Variants in CEP70 observed in about 807,000 individuals in gnomAD.
The protein encoded by CEP70 is centrosomal protein 70, also known as centrosomal protein of 70 kDa.
In CEP70, 70 loss-of-function variants were observed where a neutral mutation model predicts 90.9. That is an observed-to-expected ratio of 0.77 (90% CI 0.64 to 0.94). The LOEUF (loss-of-function observed/expected upper bound fraction) is 0.94. CEP70 is among the 40% of genes least tolerant of loss of function. The pLI, the probability that CEP70 is intolerant of heterozygous loss-of-function variation, is 0.00. For missense variants in CEP70, 648 were observed against 669.0 expected (o/e 0.97, Z 0.35); for synonymous variants, 220 against 228.3 (o/e 0.96, Z 0.33).
chr3:138,555,246 C>G (rs1163670076), intron 6 of CEP70, among the ~76,000 whole-genome samples: 1 of 39,684 alleles, frequency 2.5e-5, no homozygotes, highest in Non-Finnish European at 4.6e-5. Flanking sequence ...GAGACTCCAT[C>G]TCAAAAAAAA....
intron 6 of CEP70, among the ~76,000 whole-genome samples, chr3:138,548,932 C>A (rs1434098394): frequency 6.6e-6 from 1 of 152,144 alleles, no homozygotes; most frequent in Non-Finnish European, 1.5e-5. Flanking sequence ...TGAATACATA[C>A]CCTCACTGGG....
At chr3:138,540,849 T>C (rs370133118) in intron 6 of CEP70, among the ~76,000 whole-genome samples, 7 of 152,138 alleles carry the variant, frequency 4.6e-5, no homozygotes, top group East Asian at 3.8e-4. Context: ...ACTGAAATAC[T>C]CATCAATGGT....
chr3:138,571,208 A>T (rs1393032645), intron 4 of CEP70, 51 bp from the exon 5 acceptor site: 48 of 1,555,966 alleles, frequency 3.1e-5, no homozygotes, highest in Non-Finnish European at 3.9e-5. Context: ...AGGCAAAAAA[A>T]ATTTTTTAAG....
chr3:138,512,804 A>C (rs1358718365), intron 11 of CEP70, among the ~76,000 whole-genome samples: 1 of 152,348 alleles, frequency 6.6e-6, no homozygotes, highest in African/African-American at 2.4e-5. Context: ...ACAGTGGAAT[A>C]AGATCCATGC....
At chr3:138,570,994 C>G in intron 5 of CEP70, 40 bp downstream of exon 5, 1 of 1,486,470 alleles carries the variant, frequency 6.7e-7, no homozygotes, top group Non-Finnish European at 9.0e-7. Context: ...TTTTAGAACG[C>G]ATACAAACAA....
Position 138,532,501 on chromosome 3 carries a change from G to C in CEP70, c.692+13C>G, listed in dbSNP as rs192890651. ...TAAAACCTTTAAAAACTGTAATACA[G>C]GATTACTCGTACCTTTGTGTATGAA... On this transcript the variant is annotated intron_variant, in intron 8 of 17. Coordinates refer to ENST00000264982, the MANE Select transcript of CEP70 (RefSeq NM_024491.4). 1.3e-4 allele frequency: 195 copies of C among 1,493,142 alleles called. No individual in the cohort carries two copies. In the African/African-American group the frequency reaches 2.7e-3, roughly 21 times the overall value. The allele number at this position is 1,493,142 out of a possible 1,614,324, so 92.5% of individuals were successfully genotyped here. A position where few individuals can be genotyped will look rare whatever the true frequency, so the allele number is the denominator to read the frequency against.
intron 2 of CEP70, among the ~76,000 whole-genome samples, chr3:138,588,338 G>C (rs950187735): frequency 1.3e-5 from 2 of 152,084 alleles, no homozygotes; most frequent in South Asian, 2.1e-4. Flanking sequence ...AATCAGAAAA[G>C]GTTCATATCC....
At chr3:138,562,308 T>C (rs903129975) in intron 6 of CEP70, among the ~76,000 whole-genome samples, 3 of 152,010 alleles carry the variant, frequency 2.0e-5, no homozygotes, top group Non-Finnish European at 4.4e-5. Flanking sequence ...AGAACTTCCC[T>C]AACCTAGCAA....
At chr3:138,557,883 A>G (rs755614820) in intron 6 of CEP70, among the ~76,000 whole-genome samples, 6 of 152,232 alleles carry the variant, frequency 3.9e-5, no homozygotes, top group Non-Finnish European at 1.5e-5. Flanking sequence ...TCAGACACAG[A>G]CAATTTTAAA....
intron 2 of CEP70, among the ~76,000 whole-genome samples, chr3:138,586,341 A>G (rs2042104775): frequency 6.6e-6 from 1 of 152,196 alleles, no homozygotes; most frequent in African/African-American, 2.4e-5. Context: ...TATTTTTGGT[A>G]GGAAATCAGC....
chr3:138,559,994 T>C (rs1035727066), intron 6 of CEP70, among the ~76,000 whole-genome samples: 2 of 152,084 alleles, frequency 1.3e-5, no homozygotes, highest in South Asian at 4.1e-4. Context: ...CATACATTGG[T>C]CAGAATGTGA....
At chr3:138,579,755 G>C (rs1486864178) in intron 2 of CEP70, among the ~76,000 whole-genome samples, 1 of 151,946 alleles carries the variant, frequency 6.6e-6, no homozygotes, top group Non-Finnish European at 1.5e-5. Flanking sequence ...GTGAGACTCA[G>C]ACATGCTGGC....
intron 11 of CEP70, among the ~76,000 whole-genome samples, chr3:138,521,420 G>GCGA (rs2036617451): frequency 6.7e-6 from 1 of 148,716 alleles, no homozygotes; most frequent in Non-Finnish European, 1.5e-5. Context: ...CTGCCCAGCC[G>GCGA]CCCAGTCTGG....
Position 138,571,046 on chromosome 3 carries a change from T to G in CEP70, c.272A>C (p.Asn91Thr). 8 of 1,586,732 alleles carry G rather than the reference T, an allele frequency of 5.0e-6. No homozygotes were observed. The highest frequency in any genetic ancestry group is 6.8e-6 in the Non-Finnish European group (8 of 1,169,296). ...TCCATTTTCTCACCTAAGCTGTTGA[T>G]TAGTTTCTATAAGCTCCTGTATCAT... ...QNMIQELIET[N>T]QQLRNELQLE... Residue 91 changes from asparagine to threonine, a missense_variant, in exon 5 of 18, where the codon AAT becomes ACT. By Grantham distance (65) the Asn-to-Thr change is moderately conservative. Transcript: ENST00000264982.
At chr3:138,558,634 T>G (rs1162876732) in intron 6 of CEP70, among the ~76,000 whole-genome samples, 1 of 152,128 alleles carries the variant, frequency 6.6e-6, no homozygotes, top group Non-Finnish European at 1.5e-5. Context: ...TGAGGTATAT[T>G]TCAAACCATC....
At chr3:138,537,018 A>T in intron 7 of CEP70, 160 bp downstream of exon 7, 1 of 407,148 alleles carries the variant, frequency 2.5e-6, no homozygotes, top group Non-Finnish European at 4.2e-6. Context: ...AAAAAAAAAA[A>T]AGAACAGGAT....
At chr3:138,532,381 T>C in intron 8 of CEP70, 133 bp downstream of exon 8, 3 of 692,104 alleles carry the variant, frequency 4.3e-6, no homozygotes, top group Non-Finnish European at 6.3e-6. Context: ...TTCAAGTTCT[T>C]TATAAAAAAG....
At chr3:138,556,782 G>A (rs1329131790) in intron 6 of CEP70, among the ~76,000 whole-genome samples, 1 of 151,970 alleles carries the variant, frequency 6.6e-6, no homozygotes, top group Non-Finnish European at 1.5e-5. Flanking sequence ...ATAGGGTGTG[G>A]GTCACAGAGA....
At chr3:138,575,592 T>C (rs954379453) in intron 2 of CEP70, among the ~76,000 whole-genome samples, 1 of 151,972 alleles carries the variant, frequency 6.6e-6, no homozygotes, top group Non-Finnish European at 1.5e-5. Flanking sequence ...ATTCAGGAAA[T>C]ACAGAGAACA....
Sources: gnomAD v4.1 joint callset for allele counts (sites outside exome capture counted in the v4.1 genomes callset) on GRCh38, gnomAD v4.1.1 for gene constraint, MANE v1.5 for transcripts, NCBI Gene and HGNC (gene_info 2026-07-23, HGNC 2026-07-21) for gene names.